Variants in ZNF804B observed in about 807,000 individuals in gnomAD.
The protein encoded by ZNF804B is zinc finger protein 804B.
In ZNF804B, 80 loss-of-function variants were observed where a neutral mutation model predicts 101.4. The observed-to-expected ratio is 0.79, with a 90% CI of 0.66 to 0.95. The LOEUF (loss-of-function observed/expected upper bound fraction) is 0.95, where lower values mean the gene tolerates loss of function less well. Among genes scored for constraint, ZNF804B ranks in the 40% least tolerant of loss-of-function variants. The pLI is 0.00. For synonymous variants in ZNF804B, 622 were observed against 558.8 expected (o/e 1.11, Z -1.59); for missense variants, 1,673 against 1,561.9 (o/e 1.07, Z -1.20).
intron 1 of ZNF804B, among the ~76,000 whole-genome samples, chr7:88,854,527 T>TTCCCTTCCTTCC (rs1554340248): frequency 3.0e-4 from 12 of 40,078 alleles, no homozygotes; most frequent in Admixed American, 1.9e-3. Flanking sequence ...CTTTCCTTCC[T>TTCCCTTCCTTCC]TTCCTTCCTT....
chr7:89,263,229 A>G (rs544847038), intron 2 of ZNF804B, among the ~76,000 whole-genome samples: 1 of 152,290 alleles, frequency 6.6e-6, no homozygotes, highest in African/African-American at 2.4e-5. Flanking sequence ...AACTTACCTG[A>G]CTACTCCAGC....
At chr7:89,123,925 G>A (rs140288080) in intron 1 of ZNF804B, among the ~76,000 whole-genome samples, 5 of 152,304 alleles carry the variant, frequency 3.3e-5, no homozygotes, top group Non-Finnish European at 5.9e-5. Flanking sequence ...GATGTGGCAA[G>A]AGAAGGAGTG....
chr7:89,096,033 T>A (rs939827243), intron 1 of ZNF804B, among the ~76,000 whole-genome samples: 2 of 151,696 alleles, frequency 1.3e-5, no homozygotes, highest in Non-Finnish European at 2.9e-5. Flanking sequence ...CGGGTGCCTG[T>A]AGTCCCAGCT....
At position 89,103,982 on chromosome 7, in the gene ZNF804B, G is replaced by A. The variant is rs75514925; in HGVS notation, c.109-114173G>A. ...AAATGCTTTTTCTGCATCTAATTGAGATAACCATATGGTTTTTGTTCTCAG... is the reference window on the plus strand; with the variant it reads ...AAATGCTTTTTCTGCATCTAATTGAAATAACCATATGGTTTTTGTTCTCAG... On this transcript the variant is annotated intron_variant, in intron 1 of 3. Coordinates refer to ENST00000333190, the MANE Select transcript of ZNF804B (RefSeq NM_181646.5). 2.9e-3 allele frequency among the ~76,000 whole-genome samples: 445 copies of A among 152,094 alleles called. 4 individuals are homozygous for A. The highest frequency in any genetic ancestry group is 0.01 in the African/African-American group (421 of 41,534).
intron 1 of ZNF804B, among the ~76,000 whole-genome samples, chr7:88,839,809 G>T (rs1440490773): frequency 2.7e-5 from 4 of 150,816 alleles, no homozygotes; most frequent in Admixed American, 6.7e-5. Context: ...ACAAAAATAG[G>T]CATAATAATT....
intron 1 of ZNF804B, among the ~76,000 whole-genome samples, chr7:88,914,406 T>C (rs1470200590): frequency 6.6e-6 from 1 of 152,116 alleles, no homozygotes; most frequent in Non-Finnish European, 1.5e-5. Flanking sequence ...AGTTACAAAA[T>C]GAAAAACATG....
At chr7:88,959,633 C>T (rs1777939531) in intron 1 of ZNF804B, among the ~76,000 whole-genome samples, 1 of 151,406 alleles carries the variant, frequency 6.6e-6, no homozygotes, top group Non-Finnish European at 1.5e-5. Context: ...TGAATCTCAT[C>T]TGCAAGTACT....
At chr7:88,915,680 T>A (rs1792622129) in intron 1 of ZNF804B, among the ~76,000 whole-genome samples, 1 of 151,938 alleles carries the variant, frequency 6.6e-6, no homozygotes, top group Non-Finnish European at 1.5e-5. Flanking sequence ...CTTAGCCACA[T>A]GATCCTGAAA....
rs368726428 is a variant in ZNF804B, at chr7:88,793,077, TG to T, written c.108+32994del. ...AAAATAATAAAAAATAAAACTATAA[TG>T]ATAAGTATTTTCTCCATTAACTCCA... On this transcript the variant is annotated intron_variant, in intron 1 of 3. Coordinates refer to ENST00000333190, the MANE Select transcript of ZNF804B (RefSeq NM_181646.5). Among the ~76,000 whole-genome samples the T allele has an allele frequency of 2.0e-3, 312 of 152,202 alleles. 2 individuals carry two copies. The highest frequency in any genetic ancestry group is 7.3e-3 in the African/African-American group (302 of 41,566).
At chr7:88,798,712 T>G (rs1312323441) in intron 1 of ZNF804B, among the ~76,000 whole-genome samples, 2 of 152,112 alleles carry the variant, frequency 1.3e-5, no homozygotes. Flanking sequence ...TAGATAGAAA[T>G]AGAAGCAACA....
chr7:88,900,573 G>A (rs1416877230), intron 1 of ZNF804B, among the ~76,000 whole-genome samples: 1 of 145,104 alleles, frequency 6.9e-6, no homozygotes, highest in Non-Finnish European at 1.5e-5. Flanking sequence ...GTATGTGTCA[G>A]GCACTGTGAT....
rs189082785 is a variant in ZNF804B, at chr7:89,006,982, C to A, written c.109-211173C>A. Among the ~76,000 whole-genome samples, 474 of 152,188 alleles carry A rather than the reference C, an allele frequency of 3.1e-3. 8 individuals carry two copies. Among genetic ancestry groups the A allele is most frequent in the African/African-American group, 0.011 (453 of 41,534 alleles). On this transcript the variant is annotated intron_variant, in intron 1 of 3. Coordinates refer to ENST00000333190, the MANE Select transcript of ZNF804B (RefSeq NM_181646.5). ...GACCAGCAGATGAAGTGCGTGTTGG[C>A]CTCCATCGTCTTCCAACTGTGTGCT...
At chr7:89,255,495 G>A (rs565883166) in intron 2 of ZNF804B, among the ~76,000 whole-genome samples, 5 of 152,282 alleles carry the variant, frequency 3.3e-5, no homozygotes, top group African/African-American at 7.2e-5. Flanking sequence ...CCCAGTGGGC[G>A]TTGCTGGTTA....
chr7:88,869,753 C>T (rs1279720997), intron 1 of ZNF804B, among the ~76,000 whole-genome samples: 1 of 151,870 alleles, frequency 6.6e-6, no homozygotes, highest in Non-Finnish European at 1.5e-5. Flanking sequence ...ATGTTTAATC[C>T]AAAGGTAGAC....
In ZNF804B at chr7:88,808,447, C is replaced by T. The variant is rs116468868; in HGVS notation, c.108+48363C>T. On this transcript the variant is annotated intron_variant, in intron 1 of 3. Coordinates refer to ENST00000333190, the MANE Select transcript of ZNF804B (RefSeq NM_181646.5). Reference sequence around the variant, plus strand: ...ATTTTTTTTTAAGTAGGTCTTCTTTCCTAGGCATTGTCAGTAAGTATTATA... The same window carrying T: ...ATTTTTTTTTAAGTAGGTCTTCTTTTCTAGGCATTGTCAGTAAGTATTATA... 3.3e-3 allele frequency among the ~76,000 whole-genome samples: 503 copies of T among 150,236 alleles called. 2 individuals carry two copies. Among genetic ancestry groups the T allele is most frequent in the African/African-American group, 0.012 (487 of 40,954 alleles).
At chr7:89,317,399 C>T (rs1790749458) in intron 2 of ZNF804B, among the ~76,000 whole-genome samples, 1 of 152,142 alleles carries the variant, frequency 6.6e-6, no homozygotes, top group Admixed American at 6.5e-5. Flanking sequence ...GAGTGATTTC[C>T]TCTGGGGTGT....
At chr7:89,322,040 C>T (rs551574777) in intron 2 of ZNF804B, among the ~76,000 whole-genome samples, 9 of 152,102 alleles carry the variant, frequency 5.9e-5, no homozygotes, top group South Asian at 2.1e-4. Context: ...GCATCTGATG[C>T]GAAAGTTCTC....
intron 1 of ZNF804B, among the ~76,000 whole-genome samples, chr7:88,901,934 T>C (rs1792397444): frequency 6.6e-6 from 1 of 151,914 alleles, no homozygotes; most frequent in South Asian, 2.1e-4. Flanking sequence ...TTTGAGCCTA[T>C]GTCCTTATTA....
chr7:88,792,898 C>G (rs1790401035), intron 1 of ZNF804B, among the ~76,000 whole-genome samples: 1 of 151,798 alleles, frequency 6.6e-6, no homozygotes, highest in South Asian at 2.1e-4. Flanking sequence ...TGTTATGTAA[C>G]AATGATGCAT....
Sources: allele counts gnomAD v4.1 joint callset (sites outside exome capture counted in the v4.1 genomes callset), GRCh38; gene constraint gnomAD v4.1.1; transcripts MANE v1.5; gene names NCBI Gene and HGNC (gene_info 2026-07-23, HGNC 2026-07-21).